The following CSMD1 variants were observed in gnomAD, a reference collection of about 807,000 sequenced individuals.
The protein encoded by CSMD1 is CUB and Sushi multiple domains 1.
Under a neutral mutation model 417.5 loss-of-function variants are expected in CSMD1, and 213 were observed. The observed-to-expected ratio is 0.51, with a 90% confidence interval of 0.46 to 0.57. The LOEUF is 0.57. Ranked by LOEUF, CSMD1 falls within the 20% of genes least tolerant of loss-of-function variation. The pLI is 0.00. For missense variants in CSMD1, 6,923 were observed against 4,529.7 expected, an observed-to-expected ratio of 1.53 and a Z score of -15.17; for synonymous variants, 2,862 against 1,736.8, an observed-to-expected ratio of 1.65 and a Z score of -16.11.
chr8:3,548,396 C>T (rs564605267), intron 10 of CSMD1, among the ~76,000 whole-genome samples: 11 of 152,156 alleles, frequency 7.2e-5, no homozygotes, highest in Admixed American at 2.6e-4. Context: ...CACTTATCAC[C>T]TGAGCAGTAT....
At chr8:4,199,698 G>C (rs1260437460) in intron 3 of CSMD1, among the ~76,000 whole-genome samples, 1 of 152,126 alleles carries the variant, frequency 6.6e-6, no homozygotes, top group Non-Finnish European at 1.5e-5. Flanking sequence ...ATTTAATATT[G>C]TTAATCCAGT....
chr8:3,337,268 A>G (rs1245609818), intron 23 of CSMD1, among the ~76,000 whole-genome samples: 1 of 152,180 alleles, frequency 6.6e-6, no homozygotes, highest in African/African-American at 2.4e-5. Context: ...AAACATACCA[A>G]TTTGGATGAA....
At position 3,410,384 on chromosome 8, in the gene CSMD1, C is replaced by G. The variant is rs149124445; in HGVS notation, c.1562-779G>C. ...TGGATATGATTTGGCTGTGTCCCCACCTAATTCTCATTTTGAATCCCACGT... is the reference window on the plus strand; with the variant it reads ...TGGATATGATTTGGCTGTGTCCCCAGCTAATTCTCATTTTGAATCCCACGT... On this transcript the variant is annotated intron_variant, in intron 12 of 69. Transcript: ENST00000635120. Among the ~76,000 whole-genome samples the G allele has an allele frequency of 4.7e-3, 709 of 152,294 alleles. 3 individuals are homozygous for G. Among genetic ancestry groups the G allele is most frequent in the Middle Eastern group, 0.034 (10 of 294 alleles).
chr8:3,175,676 T>C (rs1316177492), intron 37 of CSMD1, among the ~76,000 whole-genome samples: 1 of 139,022 alleles, frequency 7.2e-6, no homozygotes, highest in Non-Finnish European at 1.5e-5. Context: ...CTTCTGTATC[T>C]ACGAGCAGAG....
Position 3,162,151 on chromosome 8 carries a change from A to G in CSMD1, c.5844+8T>C. On this transcript the variant is annotated splice_region_variant and intron_variant, in intron 38 of 69. Coordinates refer to ENST00000635120, the MANE Select transcript of CSMD1 (RefSeq NM_033225.6). ...TATGTTATTCCTGAGCACTGAGAAG[A>G]AGGATACCTGCAGGGTGTACCCGGG... The G allele has an allele frequency of 6.4e-7, 1 of 1,561,182 alleles. No individual in the cohort carries two copies. Among genetic ancestry groups the G allele is most frequent in the Non-Finnish European group, 8.8e-7 (1 of 1,139,252 alleles).
chr8:3,045,184 AT>A (rs1811352356), intron 50 of CSMD1, among the ~76,000 whole-genome samples: 2 of 152,196 alleles, frequency 1.3e-5, no homozygotes, highest in South Asian at 2.1e-4. Context: ...TTTCCATTTT[AT>A]TATAAACGTT....
At chr8:4,644,759 A>C (rs1803414322) in intron 1 of CSMD1, among the ~76,000 whole-genome samples, 1 of 152,172 alleles carries the variant, frequency 6.6e-6, no homozygotes, top group Non-Finnish European at 1.5e-5. Context: ...GAAATATCCT[A>C]TTTACTTGCT....
chr8:3,838,108 A>G (rs1022162167), intron 5 of CSMD1, among the ~76,000 whole-genome samples: 6 of 152,228 alleles, frequency 3.9e-5, no homozygotes, highest in African/African-American at 1.4e-4. Context: ...GGAATTTCTA[A>G]CTTGGGATTA....
At chr8:4,381,605 G>A (rs529129125) in intron 3 of CSMD1, among the ~76,000 whole-genome samples, 317 of 152,080 alleles carry the variant, frequency 2.1e-3, no homozygotes, top group Non-Finnish European at 3.5e-3. Flanking sequence ...CTTGGTTCCC[G>A]CCCTGAACAC....
At chr8:3,412,643 C>A (rs761889301) in intron 12 of CSMD1, among the ~76,000 whole-genome samples, 5 of 152,198 alleles carry the variant, frequency 3.3e-5, no homozygotes, top group Non-Finnish European at 5.9e-5. Context: ...CTGCTAACGT[C>A]ACACCTCAGG....
At chr8:4,156,744 A>G (rs1248161472) in intron 3 of CSMD1, among the ~76,000 whole-genome samples, 1 of 152,192 alleles carries the variant, frequency 6.6e-6, no homozygotes, top group Non-Finnish European at 1.5e-5. Flanking sequence ...TGACAGCTTC[A>G]ACCTTTGAAC....
At chr8:3,145,093 G>C (rs762357199) in intron 40 of CSMD1, among the ~76,000 whole-genome samples, 6 of 152,174 alleles carry the variant, frequency 3.9e-5, no homozygotes, top group Non-Finnish European at 7.3e-5. Context: ...GTGCACGTGT[G>C]TTTGTGTGAC....
At chr8:4,523,991 G>A (rs1326627368) in intron 2 of CSMD1, among the ~76,000 whole-genome samples, 4 of 152,156 alleles carry the variant, frequency 2.6e-5, no homozygotes, top group Admixed American at 2.6e-4. Context: ...CCTCAAATGG[G>A]TCCCTATGTT....
At chr8:4,037,901 C>G (rs1797700496) in intron 3 of CSMD1, among the ~76,000 whole-genome samples, 1 of 151,976 alleles carries the variant, frequency 6.6e-6, no homozygotes, top group Non-Finnish European at 1.5e-5. Context: ...TCACGTAGCT[C>G]ATAAGCTTAG....
chr8:3,958,290 GAA>G (rs963192881), intron 5 of CSMD1, among the ~76,000 whole-genome samples: 1 of 147,518 alleles, frequency 6.8e-6, no homozygotes, highest in Non-Finnish European at 1.5e-5. Context: ...TGGGGATGTG[GAA>G]AAAAAGTTTC....
chr8:3,925,687 G>T (rs545475235), intron 5 of CSMD1, among the ~76,000 whole-genome samples: 2 of 151,876 alleles, frequency 1.3e-5, no homozygotes, highest in African/African-American at 2.4e-5. Flanking sequence ...TTTTTCTCTT[G>T]CCACCACCAC....
intron 33 of CSMD1, among the ~76,000 whole-genome samples, chr8:3,196,033 G>GTA (rs1355305428): frequency 6.6e-6 from 1 of 152,092 alleles, no homozygotes; most frequent in Admixed American, 6.5e-5. Context: ...TCGGCACAAG[G>GTA]TATAGATCAC....
intron 3 of CSMD1, among the ~76,000 whole-genome samples, chr8:4,353,638 C>T (rs1448000105): frequency 6.6e-6 from 1 of 152,044 alleles, no homozygotes; most frequent in Non-Finnish European, 1.5e-5. Context: ...CCCAACGGGA[C>T]AGGCTAAACC....
intron 1 of CSMD1, among the ~76,000 whole-genome samples, chr8:4,855,596 C>G (rs183217896): frequency 6.6e-6 from 1 of 152,084 alleles, no homozygotes; most frequent in African/African-American, 2.4e-5. Flanking sequence ...AAAACCAAGG[C>G]GCGAGAACTA....
Sources: gnomAD v4.1 joint callset for allele counts (sites outside exome capture counted in the v4.1 genomes callset) on GRCh38, gnomAD v4.1.1 for gene constraint, MANE v1.5 for transcripts, NCBI Gene and HGNC (gene_info 2026-07-23, HGNC 2026-07-21) for gene names.